CAMSAP3: variants seen among roughly 807,000 people sequenced by gnomAD.
CAMSAP3 encodes the protein calmodulin regulated spectrin associated protein family member 3, also known as calmodulin-regulated spectrin-associated protein 3.
In CAMSAP3, 34 loss-of-function variants were observed where a neutral mutation model predicts 112.5. The observed-to-expected ratio is 0.30, with a 90% CI of 0.23 to 0.40. CAMSAP3 has a LOEUF of 0.40. Ranked by LOEUF, CAMSAP3 falls within the 10% of genes least tolerant of loss-of-function variation. The pLI is 1.00. For missense variants in CAMSAP3, 1,602 were observed against 1,770.3 expected, an observed-to-expected ratio of 0.90 and a Z score of 1.71; for synonymous variants, 868 against 799.8, an observed-to-expected ratio of 1.09 and a Z score of -1.44.
intron 1 of CAMSAP3, among the ~76,000 whole-genome samples, chr19:7,600,611 C>T (rs1250072060): frequency 1.5e-5 from 1 of 65,116 alleles, no homozygotes; most frequent in African/African-American, 6.9e-5. Context: ...CCCACCCACT[C>T]ATCCACTCAT....
At chr19:7,596,173 G>C (rs1415181663) in intron 1 of CAMSAP3, 23 bp downstream of exon 1, 3 of 799,390 alleles carry the variant, frequency 3.8e-6, no homozygotes, top group Admixed American at 6.1e-5. Context: ...GGGGGACCGG[G>C]GTCGGGGGCG....
chr19:7,606,181 C>G (rs2030212055), intron 2 of CAMSAP3, 90 bp from the exon 3 acceptor site: 4 of 886,246 alleles, frequency 4.5e-6, no homozygotes, highest in Non-Finnish European at 6.7e-6. Context: ...TCCCTCCCAT[C>G]TGCAGGTTCT....
At position 7,611,179 on chromosome 19, in the gene CAMSAP3, G is replaced by C. The variant is rs747173407; in HGVS notation, c.1123+11G>C. 1.2e-6 allele frequency: 2 copies of C among 1,613,176 alleles called. No homozygotes were observed. Among genetic ancestry groups the C allele is most frequent in the Non-Finnish European group, 1.7e-6 (2 of 1,179,818 alleles). On this transcript the variant is annotated intron_variant, in intron 9 of 16. Transcript: ENST00000160298. This position sits in a 1 kb window ranked among gnomAD's most constrained non-coding sequence, Gnocchi z 6.9. ...TCCGAGGATCCACAGGTGAGGAGGG[G>C]GTAGGTGGCTTCTGTCACGGGGGAC...
At position 7,607,289 on chromosome 19, in the gene CAMSAP3, C is replaced by T. The variant is rs1033642382; in HGVS notation, c.621+718C>T. Among the ~76,000 whole-genome samples the T allele has an allele frequency of 1.1e-4, 17 of 152,206 alleles. No homozygotes were observed. The highest frequency in any genetic ancestry group is 4.1e-4 in the African/African-American group (17 of 41,454). On this transcript the variant is annotated intron_variant, in intron 4 of 16. Transcript: ENST00000160298. This position sits in a 1 kb window ranked among gnomAD's most constrained non-coding sequence, Gnocchi z 4.9. ...TAGAATAACTTTCCTAACTGAGACC[C>T]CCAGCTTCCCTAGAGAAAAATCCCA... is the stretch of plus-strand genomic sequence containing the variant.
intron 1 of CAMSAP3, among the ~76,000 whole-genome samples, 163 bp downstream of exon 1, chr19:7,596,313 G>C (rs1414816572): frequency 6.7e-6 from 1 of 150,334 alleles, no homozygotes; most frequent in Admixed American, 6.6e-5. Context: ...GGGCCTCCGA[G>C]CTTCCTGCTC....
At position 7,617,360 on chromosome 19, in the gene CAMSAP3, C is replaced by T. The variant is rs759797906; in HGVS notation, c.3247C>T (p.Arg1083Cys). The T allele has an allele frequency of 1.8e-5, 29 of 1,614,108 alleles. No homozygotes were observed. The highest frequency in any genetic ancestry group is 1.2e-4 in the South Asian group (11 of 91,088). ...PSPSGLMSPS[R>C]LPGSRERDWE... Reference sequence around the variant, plus strand: ...CCCGTCAGGTCTCATGTCCCCAAGCCGCCTGCCTGGAAGCCGCGAACGGGA... The same window carrying T: ...CCCGTCAGGTCTCATGTCCCCAAGCTGCCTGCCTGGAAGCCGCGAACGGGA... The change falls in exon 15 of 17, where the codon CGC becomes TGC. Residue 1083 changes from arginine (R) to cysteine (C), a missense_variant. Transcript: ENST00000160298. The surrounding 1 kb of genome is among the most constrained non-coding windows in gnomAD (Gnocchi z 7.5).
intron 13 of CAMSAP3, chr19:7,616,293 T>C (rs553900850): frequency 2.0e-6 from 1 of 488,548 alleles, no homozygotes; most frequent in Admixed American, 3.3e-5. Context: ...TTTGGGAGTA[T>C]GTTTGGGGTG....
rs372402053 is a variant in CAMSAP3, at chr19:7,605,440, G to C, written c.363G>C (p.Pro121=). The C allele has an allele frequency of 4.8e-6, 7 of 1,460,108 alleles. No individual in the cohort carries two copies. Among genetic ancestry groups the C allele is most frequent in the Non-Finnish European group, 5.4e-6 (6 of 1,103,340 alleles). The allele number at this position is 1,460,108 out of a possible 1,614,324, so 90.4% of individuals were successfully genotyped here. The change falls in exon 2 of 17, where the codon CCG becomes CCC. Residue 121 remains proline (P), a synonymous_variant. Coordinates refer to ENST00000160298, the MANE Select transcript of CAMSAP3 (RefSeq NM_020902.2). ...RGTVPALPER[P]VREADLRHQP... is the part of the protein sequence containing the mutation. ...CAGTGCCTGCTTTGCCCGAGCGCCC[G>C]GTGCGCGAGGCCGACCTGAGGCACC...
Position 7,610,899 on chromosome 19 carries a change from G to T in CAMSAP3, c.1017G>T (p.Glu339Asp), listed in dbSNP as rs374009664. ...DGHAASPRGTEASPPQNNSGS... is the reference protein window; with the variant it reads ...DGHAASPRGTDASPPQNNSGS... ...CAGCTGCCTCCCCCCGGGGCACTGA[G>T]GCCTCCCCACCTCAGAACAACAGCG... The change falls in exon 8 of 17, where the codon GAG (glutamate) becomes GAT (aspartate). Residue 339 changes from glutamate to aspartate, a missense_variant. By Grantham distance (45) the Glu-to-Asp change is conservative. Coordinates refer to ENST00000160298, the MANE Select transcript of CAMSAP3 (RefSeq NM_020902.2). This position sits in a 1 kb window ranked among gnomAD's most constrained non-coding sequence, Gnocchi z 4.9. The T allele has an allele frequency of 4.4e-6, 7 of 1,592,298 alleles. No individual in the cohort carries two copies. In the African/African-American group the frequency reaches 9.4e-5, roughly 21 times the overall value.
intron 5 of CAMSAP3, 104 bp downstream of exon 5, chr19:7,608,368 C>T (rs1395079740): frequency 3.6e-6 from 5 of 1,403,758 alleles, no homozygotes; most frequent in Non-Finnish European, 4.9e-6. Flanking sequence ...AGCAACGATG[C>T]AGTGGTCATG....
At chr19:7,616,042 T>G (rs2030770278) in intron 13 of CAMSAP3, among the ~76,000 whole-genome samples, 1 of 144,222 alleles carries the variant, frequency 6.9e-6, no homozygotes, top group South Asian at 2.1e-4. Flanking sequence ...ATACAAAAAT[T>G]AGCCGGGCAT....
In CAMSAP3 at chr19:7,611,224, C is replaced by T. The variant is rs2030469535; in HGVS notation, c.1123+56C>T. The stretch of plus-strand genomic sequence containing the variant: ...GGGGACCCCCCCACTCACAGACTGC[C>T]CCAGTGGGCCTCATGTTGTCTCCTC... On this transcript the variant is annotated intron_variant, in intron 9 of 16. Transcript: ENST00000160298. The surrounding 1 kb of genome is among the most constrained non-coding windows in gnomAD (Gnocchi z 6.9). 7 of 1,530,558 alleles carry T rather than the reference C, an allele frequency of 4.6e-6. No individual in the cohort carries two copies. In the African/African-American group the frequency reaches 8.2e-5, roughly 18 times the overall value. 94.8% of individuals were successfully genotyped at this position (1,530,558 alleles called of 1,614,324 possible). A position where few individuals can be genotyped will look rare whatever the true frequency, so the allele number is the denominator to read the frequency against.
In CAMSAP3 at chr19:7,610,486, G is replaced by A. The variant is rs1391210844; in HGVS notation, c.771G>A (p.Leu257=). The change falls in exon 6 of 17, where the codon TTG becomes TTA. Residue 257 remains leucine (L), a synonymous_variant. Transcript: ENST00000160298. This position sits in a 1 kb window ranked among gnomAD's most constrained non-coding sequence, Gnocchi z 4.9. The part of the protein sequence containing the change: ...PQLLRLEEVC[L]KDPMSVADSL... Reference sequence around the variant, plus strand: ...CTCCTGTCCCCACAGAGGTGTGCTTGAAGGACCCCATGTCTGTGGCGGACA... The same window carrying A: ...CTCCTGTCCCCACAGAGGTGTGCTTAAAGGACCCCATGTCTGTGGCGGACA... The A allele has an allele frequency of 2.5e-6, 4 of 1,612,200 alleles. No homozygotes were observed. The highest frequency in any genetic ancestry group is 3.4e-6 in the Non-Finnish European group (4 of 1,179,454).
Position 7,605,235 on chromosome 19 carries a change from C to T in CAMSAP3, c.158C>T (p.Pro53Leu). The T allele has an allele frequency of 1.3e-6, 2 of 1,549,898 alleles. No individual in the cohort carries two copies. Among genetic ancestry groups the T allele is most frequent in the East Asian group, 2.4e-5 (1 of 41,650 alleles). ...CTCTATGCCCCCACAGAGCACGTGC[C>T]CCCGGAGCTGTGGGAGCCCTTCTAT... ...RAAFGGAEHV[P>L]PELWEPFYTD... Residue 53 changes from proline (P) to leucine (L), a missense_variant, in exon 2 of 17, where the codon CCC (proline) becomes CTC (leucine). Transcript: ENST00000160298.
At position 7,612,461 on chromosome 19, in the gene CAMSAP3, C is replaced by T. The variant is rs1160099410; in HGVS notation, c.1968C>T (p.Ala656=). 3.2e-6 allele frequency: 5 copies of T among 1,574,834 alleles called. No individual in the cohort carries two copies. Among genetic ancestry groups the T allele is most frequent in the Non-Finnish European group, 4.3e-6 (5 of 1,162,882 alleles). The change falls in exon 11 of 17, where the codon GCC becomes GCT. Residue 656 remains alanine, a synonymous_variant. Transcript: ENST00000160298. ...AGGCGGAAGCAGAGGCGGAGGAGGC[C>T]GATTCCGGTCCAGTCCCTGGTGGGG... ...SGEAEAEAEE[A]DSGPVPGGER...
chr19:7,614,456 C>T (rs2030677381), intron 11 of CAMSAP3, among the ~76,000 whole-genome samples: 1 of 150,756 alleles, frequency 6.6e-6, no homozygotes, highest in African/African-American at 2.4e-5. Flanking sequence ...AAGTGATTCT[C>T]TTGTCTCACC....
chr19:7,611,617 G>C lies in CAMSAP3; in HGVS notation c.1193+31G>C. ...TAGACCTCACAGGCCAGGGTAGGGG[G>C]TGGAGCAGGCTAGGGCGGGTTGGGG... On this transcript the variant is annotated intron_variant, in intron 10 of 16. Transcript: ENST00000160298. This position sits in a 1 kb window ranked among gnomAD's most constrained non-coding sequence, Gnocchi z 6.9. 1.9e-6 allele frequency: 3 copies of C among 1,606,946 alleles called. No homozygotes were observed. The highest frequency in any genetic ancestry group is 1.7e-6 in the Non-Finnish European group (2 of 1,177,024).
chr19:7,615,443 C>G lies in CAMSAP3; in HGVS notation c.2836C>G (p.Pro946Ala), dbSNP rs1019982970. ...ARLAQEEAPGPAPLVSAVPMA... is the reference protein window; with the variant it reads ...ARLAQEEAPGAAPLVSAVPMA... The stretch of plus-strand genomic sequence containing the variant: ...GCTGGCCCAAGAGGAGGCCCCGGGC[C>G]CAGCCCCGCTTGTGTCCGCAGTCCC... The change falls in exon 13 of 17, where the codon CCA becomes GCA. Residue 946 changes from proline to alanine, a missense_variant. Physicochemically the swap from Pro to Ala is conservative, Grantham distance 27 (BLOSUM62 -1). Coordinates refer to ENST00000160298, the MANE Select transcript of CAMSAP3 (RefSeq NM_020902.2). This position sits in a 1 kb window ranked among gnomAD's most constrained non-coding sequence, Gnocchi z 6.5. 8.4e-6 allele frequency: 13 copies of G among 1,540,860 alleles called. No homozygotes were observed. In the African/African-American group the frequency reaches 1.8e-4, roughly 21 times the overall value.
chr19:7,595,973 G>C lies in CAMSAP3; in HGVS notation c.-30G>C. ...GCCCAGCCCAGCCCAGTCCGAGCGCGGACCCGGCGCCCGCAGCCCCGGCGC... is the reference window on the plus strand; with the variant it reads ...GCCCAGCCCAGCCCAGTCCGAGCGCCGACCCGGCGCCCGCAGCCCCGGCGC... On this transcript the variant is annotated 5_prime_UTR_variant, in exon 1 of 17. Coordinates refer to ENST00000160298, the MANE Select transcript of CAMSAP3 (RefSeq NM_020902.2). 1 of 1,039,648 alleles carries C rather than the reference G, an allele frequency of 9.6e-7. No individual in the cohort carries two copies. The highest frequency in any genetic ancestry group is 1.7e-5 in the African/African-American group (1 of 57,186). 64.4% of individuals were successfully genotyped at this position (1,039,648 alleles called of 1,614,324 possible).
Sources: gnomAD v4.1 joint callset for allele counts (sites outside exome capture counted in the v4.1 genomes callset) on GRCh38, gnomAD v4.1.1 for gene constraint, Gnocchi (gnomAD v3.1) non-coding constraint, MANE v1.5 for transcripts, NCBI Gene and HGNC (gene_info 2026-07-23, HGNC 2026-07-21) for gene names.